Variants in NCAM2 observed in about 807,000 individuals in gnomAD.
The protein encoded by NCAM2 is N-CAM-2.
NCAM2 carries 30 observed loss-of-function variants against 98.1 expected under a neutral mutation model. The ratio of observed to expected loss-of-function variants is 0.31; its 90% CI spans 0.23 to 0.41. The LOEUF (loss-of-function observed/expected upper bound fraction) is 0.41, where lower values mean the gene tolerates loss of function less well. NCAM2 is among the 10% of genes least tolerant of loss of function. The pLI is 1.00. For synonymous variants in NCAM2, 368 were observed against 342.4 expected (o/e 1.07, Z -0.83); for missense variants, 867 against 1,005.8 (o/e 0.86, Z 1.87).
chr21:21,485,089 A>T (rs1986234547), intron 15 of NCAM2, among the ~76,000 whole-genome samples: 1 of 152,168 alleles, frequency 6.6e-6, no homozygotes, highest in Non-Finnish European at 1.5e-5. Flanking sequence ...CATTTATATA[A>T]AACATAAGCA....
At chr21:21,067,882 A>G (rs2065473074) in intron 1 of NCAM2, among the ~76,000 whole-genome samples, 1 of 152,134 alleles carries the variant, frequency 6.6e-6, no homozygotes, top group Non-Finnish European at 1.5e-5. Context: ...GTGGGTTATA[A>G]TAGAGATGGA....
chr21:21,539,425 C>G lies in NCAM2; in HGVS notation c.*1468C>G, dbSNP rs1256684856. ...TAGTGACAGGACAGGGAATGCGTTC[C>G]AAAGGAATATTGGAGCAATTTTAAC... On this transcript the variant is annotated 3_prime_UTR_variant, in exon 18 of 18. Coordinates refer to ENST00000400546, the MANE Select transcript of NCAM2 (RefSeq NM_004540.5). 2 of 152,064 alleles carry G rather than the reference C, an allele frequency of 1.3e-5. No homozygotes were observed. Among genetic ancestry groups the G allele is most frequent in the African/African-American group, 4.8e-5 (2 of 41,402 alleles). The allele number at this position is 152,064 out of a possible 1,614,324, so 9.4% of individuals were successfully genotyped here.
At chr21:21,004,246 T>C (rs2064071438) in intron 1 of NCAM2, among the ~76,000 whole-genome samples, 1 of 152,200 alleles carries the variant, frequency 6.6e-6, no homozygotes, top group African/African-American at 2.4e-5. Context: ...CAAGCACTTT[T>C]TGAGGCCTTA....
chr21:21,385,469 A>G, intron 9 of NCAM2: 1 of 418,938 alleles, frequency 2.4e-6, no homozygotes, highest in Non-Finnish European at 4.6e-6. Flanking sequence ...CCTACAGGGT[A>G]ATACTGCTAA....
intron 10 of NCAM2, among the ~76,000 whole-genome samples, chr21:21,414,008 A>G (rs2076937693): frequency 6.6e-6 from 1 of 152,208 alleles, no homozygotes; most frequent in African/African-American, 2.4e-5. Flanking sequence ...CGCTTTATCA[A>G]CTAAGTTTAT....
intron 8 of NCAM2, among the ~76,000 whole-genome samples, chr21:21,365,322 G>A (rs1455747091): frequency 6.6e-6 from 1 of 151,016 alleles, no homozygotes; most frequent in African/African-American, 2.4e-5. Flanking sequence ...TAGAACTGTT[G>A]CTTTGGTTGT....
chr21:21,316,449 A>T (rs1300892626), intron 5 of NCAM2, among the ~76,000 whole-genome samples: 1 of 151,592 alleles, frequency 6.6e-6, no homozygotes, highest in Non-Finnish European at 1.5e-5. Flanking sequence ...TATTATTAAG[A>T]TGTTACAGTA....
chr21:21,254,055 C>G (rs2071571079), intron 1 of NCAM2, among the ~76,000 whole-genome samples: 1 of 152,098 alleles, frequency 6.6e-6, no homozygotes, highest in Non-Finnish European at 1.5e-5. Context: ...AAACTTACAC[C>G]AGAAAATAAA....
chr21:21,054,191 T>C (rs1227475049), intron 1 of NCAM2, among the ~76,000 whole-genome samples: 7 of 152,034 alleles, frequency 4.6e-5, no homozygotes, highest in Non-Finnish European at 8.8e-5. Flanking sequence ...GACTTTGTGA[T>C]TGAATAATCT....
rs11701560 is a variant in NCAM2, at chr21:21,253,114, A to G, written c.56-27464A>G. Among the ~76,000 whole-genome samples, 460 of 152,072 alleles carry G rather than the reference A, an allele frequency of 3.0e-3. 1 individual carries two copies. The highest frequency in any genetic ancestry group is 0.012 in the East Asian group (64 of 5,168). On this transcript the variant is annotated intron_variant, in intron 1 of 17. Transcript: ENST00000400546. ...CTGCTTCTTCTAAAGTCCTTTTACA[A>G]CTCTCTGCCATTATTACTGTTATCC... is the stretch of plus-strand genomic sequence containing the variant.
At chr21:21,045,141 G>A (rs1233151517) in intron 1 of NCAM2, among the ~76,000 whole-genome samples, 3 of 152,004 alleles carry the variant, frequency 2.0e-5, no homozygotes, top group Non-Finnish European at 4.4e-5. Context: ...ACTTAAAACT[G>A]TTAACAGACA....
intron 8 of NCAM2, among the ~76,000 whole-genome samples, chr21:21,340,515 A>T (rs1477381923): frequency 6.6e-6 from 1 of 152,016 alleles, no homozygotes; most frequent in Non-Finnish European, 1.5e-5. Context: ...TAAAAAACAC[A>T]TCTTGTTTTA....
intron 16 of NCAM2, among the ~76,000 whole-genome samples, chr21:21,525,826 C>G (rs2146401550): frequency 6.6e-6 from 1 of 152,098 alleles, no homozygotes; most frequent in African/African-American, 2.4e-5. Context: ...TGGGATTTAT[C>G]CCAGGTATGC....
At chr21:21,140,182 G>C (rs2826696) in intron 1 of NCAM2, among the ~76,000 whole-genome samples, 39,082 of 151,974 alleles carry the variant, frequency 0.26, 5,630 homozygotes, top group East Asian at 0.45. Context: ...TTATTGCTTT[G>C]TATTAATTGT....
Position 21,541,613 on chromosome 21 carries a change from TA to T in NCAM2, c.*3657del, listed in dbSNP as rs1469376661. On this transcript the variant is annotated 3_prime_UTR_variant, in exon 18 of 18. Coordinates refer to ENST00000400546, the MANE Select transcript of NCAM2 (RefSeq NM_004540.5). ...GGGTCTTCATTATTCCATTTATATA[TA>T]TTTTTTATTTCGAATAATAAATCAA... 1.3e-5 allele frequency: 2 copies of T among 151,778 alleles called. No individual in the cohort carries two copies. Among genetic ancestry groups the T allele is most frequent in the South Asian group, 2.1e-4 (1 of 4,826 alleles). 9.4% of individuals were successfully genotyped at this position (151,778 alleles called of 1,614,324 possible).
intron 1 of NCAM2, among the ~76,000 whole-genome samples, chr21:21,048,715 T>A (rs1365709752): frequency 6.6e-6 from 1 of 152,158 alleles, no homozygotes; most frequent in Non-Finnish European, 1.5e-5. Context: ...ACAACCAAGC[T>A]GTACTCCAAC....
chr21:21,075,365 ACAGTT>A (rs1363993693), intron 1 of NCAM2, among the ~76,000 whole-genome samples: 2 of 152,170 alleles, frequency 1.3e-5, no homozygotes, highest in Non-Finnish European at 2.9e-5. Flanking sequence ...ACAAAGAAAT[ACAGTT>A]CATTTTCTTA....
intron 1 of NCAM2, among the ~76,000 whole-genome samples, chr21:21,254,752 T>G (rs747564386): frequency 1.3e-5 from 2 of 152,058 alleles, no homozygotes; most frequent in Non-Finnish European, 2.9e-5. Context: ...GAAGTATGTG[T>G]AGGGGTGTTA....
intron 14 of NCAM2, among the ~76,000 whole-genome samples, chr21:21,475,108 T>G (rs1423490825): frequency 6.6e-6 from 1 of 151,944 alleles, no homozygotes; most frequent in East Asian, 1.9e-4. Context: ...CTTATACATC[T>G]CCCAGTGATT....
Sources: gnomAD v4.1 joint callset for allele counts (sites outside exome capture counted in the v4.1 genomes callset) on GRCh38, gnomAD v4.1.1 for gene constraint, MANE v1.5 for transcripts, NCBI Gene and HGNC (gene_info 2026-07-23, HGNC 2026-07-21) for gene names.